KCNMB3: variants seen among roughly 807,000 people sequenced by gnomAD.
KCNMB3 encodes the protein potassium calcium-activated channel subfamily M regulatory beta subunit 3.
A neutral mutation model predicts 11.9 loss-of-function variants in KCNMB3; 18 were observed. The ratio of observed to expected loss-of-function variants is 1.51; its 90% confidence interval spans 1.04 to 2.23. The LOEUF (loss-of-function observed/expected upper bound fraction) is 2.23, where lower values mean the gene tolerates loss of function less well. Ranked by LOEUF, KCNMB3 falls within the 30% of genes most tolerant of loss-of-function variation. The probability of loss-of-function intolerance (pLI) is 0.00; values close to 1 mark genes in which losing one functional copy is unlikely to be tolerated. For missense variants in KCNMB3, 247 were observed against 329.4 expected, an observed-to-expected ratio of 0.75 and a Z score of 1.94; for synonymous variants, 78 against 119.2, an observed-to-expected ratio of 0.65 and a Z score of 2.25.
intron 1 of KCNMB3, among the ~76,000 whole-genome samples, chr3:179,256,960 G>A (rs570694586): frequency 3.9e-4 from 60 of 152,030 alleles, no homozygotes; most frequent in South Asian, 1.0e-3. Context: ...CCAGGAGTTC[G>A]AGACCAGCCT....
rs1023623679 is a variant in KCNMB3 at position 179,259,628 on chromosome 3, C to T, written c.62+7021G>A. 1.1e-5 allele frequency: 17 copies of T among 1,608,170 alleles called. No individual in the cohort carries two copies. In the African/African-American group the frequency reaches 2.1e-4, roughly 20 times the overall value. The stretch of plus-strand genomic sequence containing the variant: ...CAGTAGACTTTACCTGCTCTTCTTC[C>T]TTAATTTCACTTAAATCTGTGTTCT... On this transcript the variant is annotated intron_variant, in intron 1 of 3. Coordinates refer to the KCNMB3 transcript ENST00000349697.
intron 1 of KCNMB3, 96 bp from the exon 2 acceptor site, chr3:179,244,789 C>T: frequency 9.9e-7 from 1 of 1,007,150 alleles, no homozygotes; most frequent in Non-Finnish European, 1.5e-6. Context: ...ATGCCCAAGG[C>T]ATTTGTGTAC....
intron 1 of KCNMB3, among the ~76,000 whole-genome samples, chr3:179,247,864 A>C (rs183395956): frequency 7.9e-5 from 12 of 152,026 alleles, no homozygotes; most frequent in Admixed American, 3.3e-4. Context: ...TTCCTTTTTT[A>C]TGACCCCTTT....
In KCNMB3 at chr3:179,251,045, G is replaced by A. The variant is rs976574905; in HGVS notation, c.-55C>T. On this transcript the variant is annotated 5_prime_UTR_variant, in exon 1 of 3. The change creates a new upstream start codon in the 5' untranslated region. Transcript: ENST00000392685. ...CTCATTTGCTGCCTACCTGTGTCTC[G>A]TGAGCAGGATGAATGCAACAAAATG... 4 of 1,614,200 alleles carry A rather than the reference G, an allele frequency of 2.5e-6. No homozygotes were observed. Among genetic ancestry groups the A allele is most frequent in the East Asian group, 4.5e-5 (2 of 44,886 alleles).
intron 1 of KCNMB3, chr3:179,259,771 G>C (rs1726143847): frequency 6.2e-7 from 1 of 1,601,282 alleles, no homozygotes; most frequent in Admixed American, 1.8e-5. Flanking sequence ...GCCTCTCCCT[G>C]TTGGTCATTC....
At position 179,251,034 on chromosome 3, in the gene KCNMB3, A is replaced by T; in HGVS notation, c.-44T>A. 6.2e-7 allele frequency: 1 copy of T among 1,614,172 alleles called. No individual in the cohort carries two copies. Among genetic ancestry groups the T allele is most frequent in the South Asian group, 1.1e-5 (1 of 91,084 alleles). On this transcript the variant is annotated 5_prime_UTR_variant, in exon 1 of 3. An upstream open reading frame in the 5' UTR loses its in-frame stop. Coordinates refer to ENST00000392685, the MANE Select transcript of KCNMB3 (RefSeq NM_171830.2). ...GGAGGGATAATCTCATTTGCTGCCTACCTGTGTCTCGTGAGCAGGATGAAT... is the reference window on the plus strand; with the variant it reads ...GGAGGGATAATCTCATTTGCTGCCTTCCTGTGTCTCGTGAGCAGGATGAAT...
At chr3:179,253,581 A>G (rs1050906824), upstream of KCNMB3, among the ~76,000 whole-genome samples, 1 of 152,150 alleles carries the variant, frequency 6.6e-6, no homozygotes, top group East Asian at 1.9e-4. Flanking sequence ...CAAGGTGGGC[A>G]GATCACCTGA....
At chr3:179,255,010 C>T (rs1197657848), upstream of KCNMB3, among the ~76,000 whole-genome samples, 1 of 151,718 alleles carries the variant, frequency 6.6e-6, no homozygotes, top group Non-Finnish European at 1.5e-5. Context: ...ATTAAAAATA[C>T]AAAAATTAGC....
At chr3:179,249,725 C>T (rs966185805) in intron 1 of KCNMB3, among the ~76,000 whole-genome samples, 1 of 152,068 alleles carries the variant, frequency 6.6e-6, no homozygotes, top group African/African-American at 2.4e-5. Flanking sequence ...ATGTCATTTG[C>T]GGGGACATAG....
At chr3:179,262,601 C>G (rs1726255571) in intron 1 of KCNMB3, among the ~76,000 whole-genome samples, 2 of 152,218 alleles carry the variant, frequency 1.3e-5, no homozygotes, top group Non-Finnish European at 2.9e-5. Context: ...TACTTTTATT[C>G]TCTTATCTGG....
intron 1 of KCNMB3, among the ~76,000 whole-genome samples, chr3:179,245,639 A>G (rs963191704): frequency 2.0e-5 from 3 of 152,022 alleles, no homozygotes; most frequent in African/African-American, 7.2e-5. Flanking sequence ...AGCTGGGATT[A>G]CAGGTGCGCA....
chr3:179,247,526 A>C (rs370945919), intron 1 of KCNMB3, among the ~76,000 whole-genome samples: 1 of 152,134 alleles, frequency 6.6e-6, no homozygotes, highest in East Asian at 1.9e-4. Context: ...AAAGTGAGGT[A>C]CAAACATGTA....
downstream of KCNMB3, chr3:179,240,247 T>C (rs1022557261): frequency 1.9e-6 from 1 of 527,038 alleles, no homozygotes; most frequent in Non-Finnish European, 3.4e-6. Context: ...GAATACTTGA[T>C]TGAAAATCTG....
At chr3:179,262,736 A>G (rs1456178015) in intron 1 of KCNMB3, among the ~76,000 whole-genome samples, 3 of 152,180 alleles carry the variant, frequency 2.0e-5, no homozygotes, top group Non-Finnish European at 1.5e-5. Flanking sequence ...AGCTAGACAC[A>G]AAGGTTCTCC....
chr3:179,262,685 C>T (rs916157937), intron 1 of KCNMB3, among the ~76,000 whole-genome samples: 2 of 152,120 alleles, frequency 1.3e-5, no homozygotes, highest in African/African-American at 4.8e-5. Context: ...GCTAATTGGC[C>T]CATTTTGACA....
Position 179,257,892 on chromosome 3 carries a change from GTGTGTGT to G in KCNMB3, c.63-6965_63-6959del, listed in dbSNP as rs1162908410. On this transcript the variant is annotated intron_variant, in intron 1 of 3. Coordinates refer to the KCNMB3 transcript ENST00000349697. ...TTGTTTTGTGTGTGTGTGTGTGTGT[GTGTGTGT>G]TTTTTAGACAGAGTTTCGCTCGTTG... is the stretch of plus-strand genomic sequence containing the variant. Among the ~76,000 whole-genome samples the G allele has an allele frequency of 1.1e-4, 5 of 46,844 alleles. No individual in the cohort carries two copies. The East Asian group carries it at 0.051, about 478-fold the overall frequency. 30.7% of individuals were successfully genotyped at this position (46,844 alleles called of 152,430 possible). A position where few individuals can be genotyped will look rare whatever the true frequency, so the allele number is the denominator to read the frequency against.
exon 1 of KCNMB3, chr3:179,266,653 C>A (rs1054485199): frequency 2.5e-6 from 4 of 1,614,132 alleles, no homozygotes; most frequent in Non-Finnish European, 1.7e-6. Context: ...ACTTACCTCC[C>A]CTGGCGCCTC....
At chr3:179,260,760 T>C in intron 1 of KCNMB3, 2 of 1,435,992 alleles carry the variant, frequency 1.4e-6, no homozygotes, top group African/African-American at 1.4e-5. Flanking sequence ...TGCAGTATAC[T>C]GTGGGCGTGT....
At chr3:179,244,717 G>A (rs780437395) in intron 1 of KCNMB3, 24 bp from the exon 2 acceptor site, 5 of 1,528,032 alleles carry the variant, frequency 3.3e-6, no homozygotes, top group African/African-American at 2.8e-5. Flanking sequence ...AAAAAAAAAT[G>A]TTCTTCACTT....
Sources: allele counts gnomAD v4.1 joint callset (sites outside exome capture counted in the v4.1 genomes callset), GRCh38; gene constraint gnomAD v4.1.1; transcripts MANE v1.5; gene names NCBI Gene and HGNC (gene_info 2026-07-23, HGNC 2026-07-21).